Variants in C9orf85 observed in about 807,000 individuals in gnomAD.
C9orf85 encodes chromosome 9 open reading frame 85.
C9orf85 carries 16 observed loss-of-function variants against 14.9 expected under a neutral mutation model. That is an observed-to-expected ratio of 1.08 (90% confidence interval 0.73 to 1.63). The LOEUF (loss-of-function observed/expected upper bound fraction) is 1.63, where lower values mean the gene tolerates loss of function less well. Ranked by LOEUF, C9orf85 falls within the 40% of genes most tolerant of loss-of-function variation. The probability of loss-of-function intolerance (pLI) is 0.00; values close to 1 mark genes in which losing one functional copy is unlikely to be tolerated. For synonymous variants in C9orf85, 45 were observed against 56.8 expected, an observed-to-expected ratio of 0.79 and a Z score of 0.93; for missense variants, 172 against 186.1, an observed-to-expected ratio of 0.92 and a Z score of 0.44.
At chr9:71,949,741 G>T (rs1359819805) in intron 2 of C9orf85, among the ~76,000 whole-genome samples, 1 of 152,136 alleles carries the variant, frequency 6.6e-6, no homozygotes, top group African/African-American at 2.4e-5. Context: ...TGTGATAGGG[G>T]ATAAAAACAA....
In C9orf85 at chr9:71,971,515, T is replaced by G. The variant is rs1361394425; in HGVS notation, c.220T>G (p.Leu74Val). The change falls in exon 3 of 4, where the codon TTA becomes GTA. Residue 74 changes from leucine (L) to valine (V), a missense_variant. Physicochemically the swap from Leu to Val is conservative, Grantham distance 32. Transcript: ENST00000334731. The stretch of plus-strand genomic sequence containing the variant: ...TATTTTTTATTTTAGTGTTAAATGT[T>G]TACAAAAGACAGTGAAGGATTCTTA... The part of the protein sequence containing the change: ...LSKPKKCVKC[L>V]QKTVKDSYHI... 6.3e-7 allele frequency: 1 copy of G among 1,582,738 alleles called. No individual in the cohort carries two copies. Among genetic ancestry groups the G allele is most frequent in the African/African-American group, 1.4e-5 (1 of 73,520 alleles).
chr9:71,917,367 A>C (rs1827675766), intron 1 of C9orf85, among the ~76,000 whole-genome samples: 1 of 152,220 alleles, frequency 6.6e-6, no homozygotes, highest in Non-Finnish European at 1.5e-5. Flanking sequence ...GCTCTGTAGC[A>C]GAGGCTCCTT....
chr9:71,975,786 A>G (rs1417815865), downstream of C9orf85, among the ~76,000 whole-genome samples: 1 of 152,164 alleles, frequency 6.6e-6, no homozygotes, highest in Non-Finnish European at 1.5e-5. Flanking sequence ...GAGCCAAGAT[A>G]GCGCTATTGC....
downstream of C9orf85, among the ~76,000 whole-genome samples, chr9:71,975,441 CA>C (rs35034545): frequency 0.25 from 23,735 of 94,344 alleles, 2,292 homozygotes; most frequent in African/African-American, 0.39. Flanking sequence ...GACTCCATCT[CA>C]AAAAAAAAAA....
At chr9:71,964,345 C>T (rs1052403490) in intron 2 of C9orf85, among the ~76,000 whole-genome samples, 11 of 152,014 alleles carry the variant, frequency 7.2e-5, no homozygotes, top group South Asian at 4.2e-4. Flanking sequence ...GCTGGGGTCC[C>T]CTTCCACACT....
downstream of C9orf85, chr9:71,984,711 A>G (rs537005081): frequency 6.6e-6 from 1 of 152,440 alleles, no homozygotes; most frequent in East Asian, 1.9e-4. Flanking sequence ...GATGTGGGCC[A>G]CAACTGTTGG....
rs1821973203 is a variant in C9orf85, at chr9:71,942,874, GCC to G, written c.103-4131_103-4130del. 2.0e-5 allele frequency among the ~76,000 whole-genome samples: 3 copies of G among 146,456 alleles called. No homozygotes were observed. In the Admixed American group the frequency reaches 2.1e-4, roughly 10 times the overall value. ...GCCAAGATCATGCCACTGCACTCCA[GCC>G]TGGGCAACAGAGTGAGACTCCGACT... On this transcript the variant is annotated intron_variant, in intron 1 of 3. Transcript: ENST00000334731.
At chr9:71,956,323 C>T (rs568346835) in intron 2 of C9orf85, among the ~76,000 whole-genome samples, 1 of 146,120 alleles carries the variant, frequency 6.8e-6, no homozygotes, top group African/African-American at 2.5e-5. Flanking sequence ...GATCTTGGCT[C>T]GCCACAACCT....
At chr9:71,949,650 A>G (rs1384305480) in intron 2 of C9orf85, among the ~76,000 whole-genome samples, 2 of 152,224 alleles carry the variant, frequency 1.3e-5, no homozygotes, top group East Asian at 3.8e-4. Context: ...AGCCTTCATA[A>G]GGAAACAAAG....
intron 3 of C9orf85, chr9:71,982,587 T>C: frequency 5.1e-6 from 2 of 391,078 alleles, no homozygotes; most frequent in Non-Finnish European, 9.8e-6. Flanking sequence ...TTTATTGTCA[T>C]TCTAGTGTGT....
intron 2 of C9orf85, among the ~76,000 whole-genome samples, chr9:71,964,653 T>A (rs911805235): frequency 3.3e-5 from 5 of 152,110 alleles, no homozygotes; most frequent in African/African-American, 4.8e-5. Flanking sequence ...ACGCCGCCTT[T>A]AAGAACTGTA....
intron 1 of C9orf85, among the ~76,000 whole-genome samples, chr9:71,915,396 G>A (rs1279583922): frequency 6.6e-6 from 1 of 151,830 alleles, no homozygotes; most frequent in Non-Finnish European, 1.5e-5. Flanking sequence ...GGCCAGGTTG[G>A]TCACTCCTGA....
chr9:71,981,045 G>A (rs1160549153), intron 3 of C9orf85, among the ~76,000 whole-genome samples: 1 of 152,226 alleles, frequency 6.6e-6, no homozygotes, highest in Non-Finnish European at 1.5e-5. Context: ...GTCCGTAAAT[G>A]TGAGAGGATA....
intron 2 of C9orf85, among the ~76,000 whole-genome samples, chr9:71,953,876 A>C (rs1296582540): frequency 1.3e-5 from 2 of 152,078 alleles, no homozygotes; most frequent in African/African-American, 2.4e-5. Flanking sequence ...AGGCAGGAGG[A>C]TCACTTGATT....
chr9:71,982,471 T>G (rs1237363180), intron 3 of C9orf85, among the ~76,000 whole-genome samples: 2 of 152,092 alleles, frequency 1.3e-5, no homozygotes, highest in Non-Finnish European at 1.5e-5. Flanking sequence ...ACCACCAAAC[T>G]TGTGGTAATA....
At chr9:71,964,661 G>GT (rs1340999115) in intron 2 of C9orf85, among the ~76,000 whole-genome samples, 1 of 152,102 alleles carries the variant, frequency 6.6e-6, no homozygotes, top group East Asian at 1.9e-4. Context: ...TTTAAGAACT[G>GT]TAACACTCAC....
chr9:71,951,268 G>T (rs541785166), intron 2 of C9orf85, among the ~76,000 whole-genome samples: 1 of 152,294 alleles, frequency 6.6e-6, no homozygotes, highest in African/African-American at 2.4e-5. Flanking sequence ...TGAAAATTAT[G>T]TATGTACTGA....
chr9:71,971,641 G>A, intron 3 of C9orf85, 23 bp downstream of exon 3: 1 of 1,441,892 alleles, frequency 6.9e-7, no homozygotes, highest in Non-Finnish European at 9.7e-7. Context: ...TTTTATGTTT[G>A]AATTTTACTC....
intron 1 of C9orf85, among the ~76,000 whole-genome samples, chr9:71,912,778 G>C (rs1589240479): frequency 1.3e-5 from 2 of 152,128 alleles, no homozygotes; most frequent in Admixed American, 1.3e-4. Flanking sequence ...CAGCTACTCG[G>C]GAGGCTGAGG....
Sources: allele counts gnomAD v4.1 joint callset (sites outside exome capture counted in the v4.1 genomes callset), GRCh38; gene constraint gnomAD v4.1.1; transcripts MANE v1.5; gene names NCBI Gene and HGNC (gene_info 2026-07-23, HGNC 2026-07-21).